Variants in SCRG1 observed in about 807,000 individuals in gnomAD.
The protein encoded by SCRG1 is stimulator of chondrogenesis 1.
In SCRG1, 3 loss-of-function variants were observed where a neutral mutation model predicts 7.7. That is an observed-to-expected ratio of 0.39 (90% CI 0.18 to 1.01). The LOEUF (loss-of-function observed/expected upper bound fraction) is 1.01. Ranked by LOEUF, SCRG1 falls within the 50% of genes least tolerant of loss-of-function variation. The pLI is 0.36. For synonymous variants in SCRG1, 46 were observed against 41.2 expected (o/e 1.12, Z -0.44); for missense variants, 110 against 117.2 (o/e 0.94, Z 0.28).
chr4:173,424,373 G>A, the SCRG1 span, among the ~76,000 whole-genome samples: 2 of 152,252 alleles, frequency 1.3e-5, no homozygotes, highest in East Asian at 1.9e-4. Flanking sequence ...CAACAATTCA[G>A]CCTGTTACAA....
the SCRG1 span, among the ~76,000 whole-genome samples, chr4:173,412,252 A>G: frequency 6.6e-6 from 1 of 152,218 alleles, no homozygotes; most frequent in African/African-American, 2.4e-5. Context: ...TTCTACCTGC[A>G]GTAACATCAT....
At chr4:173,506,577 C>G in the SCRG1 span, among the ~76,000 whole-genome samples, 9 of 152,200 alleles carry the variant, frequency 5.9e-5, no homozygotes, top group African/African-American at 2.2e-4. The surrounding 1 kb of genome is among the most constrained non-coding windows in gnomAD (Gnocchi z 5.3). Flanking sequence ...ACTTAATATG[C>G]GATCATTAAA....
At chr4:173,398,773 A>G (rs1739673151) in intron 1 of SCRG1, among the ~76,000 whole-genome samples, 1 of 152,234 alleles carries the variant, frequency 6.6e-6, no homozygotes, top group African/African-American at 2.4e-5. Flanking sequence ...GACAACATTC[A>G]GAGTAAATTT....
chr4:173,426,533 C>T, the SCRG1 span, among the ~76,000 whole-genome samples: 1 of 152,342 alleles, frequency 6.6e-6, no homozygotes, highest in African/African-American at 2.4e-5. Context: ...GTGGCACGAT[C>T]ATGGCTCAAT....
chr4:173,467,247 T>C, the SCRG1 span, among the ~76,000 whole-genome samples: 3 of 150,514 alleles, frequency 2.0e-5, no homozygotes, highest in African/African-American at 7.3e-5. Flanking sequence ...AAAAAAAAGA[T>C]ATTTTCCTGT....
At chr4:173,391,082 A>G in intron 2 of SCRG1, 91 bp downstream of exon 2, 1 of 1,356,890 alleles carries the variant, frequency 7.4e-7, no homozygotes, top group Non-Finnish European at 1.0e-6. Flanking sequence ...TAAAAGGGTT[A>G]TTAATTTCAG....
the SCRG1 span, among the ~76,000 whole-genome samples, chr4:173,505,250 G>A: frequency 2.0e-5 from 3 of 152,196 alleles, no homozygotes; most frequent in Non-Finnish European, 4.4e-5. The surrounding 1 kb of genome is among the most constrained non-coding windows in gnomAD (Gnocchi z 4.4). Flanking sequence ...AGGCTCAACA[G>A]GGATGAGTGT....
the SCRG1 span, among the ~76,000 whole-genome samples, chr4:173,501,406 G>A: frequency 6.6e-6 from 1 of 152,192 alleles, no homozygotes; most frequent in East Asian, 1.9e-4. The surrounding 1 kb of genome is among the most constrained non-coding windows in gnomAD (Gnocchi z 5.1). Context: ...GGCTTGAGAT[G>A]CCCTGGGAAG....
At chr4:173,475,631 T>A in the SCRG1 span, among the ~76,000 whole-genome samples, 1 of 152,248 alleles carries the variant, frequency 6.6e-6, no homozygotes, top group Admixed American at 6.5e-5. Flanking sequence ...TAAGCAGATA[T>A]CTATACACCA....
At chr4:173,439,188 A>C in the SCRG1 span, among the ~76,000 whole-genome samples, 1 of 152,218 alleles carries the variant, frequency 6.6e-6, no homozygotes, top group Non-Finnish European at 1.5e-5. Flanking sequence ...ACTGCTTGAA[A>C]GAACACTTCC....
chr4:173,511,009 T>G, the SCRG1 span, among the ~76,000 whole-genome samples: 1 of 152,186 alleles, frequency 6.6e-6, no homozygotes, highest in Admixed American at 6.5e-5. This position sits in a 1 kb window ranked among gnomAD's most constrained non-coding sequence, Gnocchi z 5.2. Context: ...CTCTGTCTCC[T>G]AGGGTGGAGT....
the SCRG1 span, among the ~76,000 whole-genome samples, chr4:173,472,327 T>A: frequency 6.6e-6 from 1 of 152,226 alleles, no homozygotes; most frequent in Non-Finnish European, 1.5e-5. Flanking sequence ...CTGTGATACT[T>A]CGTGGATGAA....
chr4:173,479,888 G>A, the SCRG1 span, among the ~76,000 whole-genome samples: 1 of 152,102 alleles, frequency 6.6e-6, no homozygotes, highest in Non-Finnish European at 1.5e-5. Context: ...CTTAATTTGG[G>A]AATCAAACTT....
rs150674576 is a variant in SCRG1, at chr4:173,390,275, A to G, written c.242+898T>C. ...ATACTTGTATTTTAAGTACAAAACG[A>G]TAGTAGATAAATCAATAAATATTTA... On this transcript the variant is annotated intron_variant, in intron 2 of 2. Coordinates refer to ENST00000296506, the MANE Select transcript of SCRG1 (RefSeq NM_007281.4). 1.1e-3 allele frequency among the ~76,000 whole-genome samples: 167 copies of G among 152,316 alleles called. 2 individuals are homozygous for G. The highest frequency in any genetic ancestry group is 3.1e-3 in the Admixed American group (48 of 15,292).
chr4:173,404,997 C>T (rs1429940256), intron 1 of SCRG1, among the ~76,000 whole-genome samples: 1 of 152,046 alleles, frequency 6.6e-6, no homozygotes, highest in East Asian at 1.9e-4. Context: ...TAGTGTGGTC[C>T]ATTTTTTATA....
the SCRG1 span, among the ~76,000 whole-genome samples, chr4:173,457,184 C>T: frequency 2.0e-5 from 3 of 152,156 alleles, no homozygotes; most frequent in African/African-American, 7.2e-5. Flanking sequence ...GGAAAGTGTA[C>T]CAGGGCAGAG....
the SCRG1 span, among the ~76,000 whole-genome samples, chr4:173,515,571 GGTGTGTGTGTGTGTCTGT>G: frequency 7.2e-6 from 1 of 139,066 alleles, no homozygotes; most frequent in South Asian, 2.4e-4. The surrounding 1 kb of genome is among the most constrained non-coding windows in gnomAD (Gnocchi z 4.6). Flanking sequence ...GAGGGAAAGA[GGTGTGTGTGTGTGTCTGT>G]GTGTGTGTGT....
intron 1 of SCRG1, among the ~76,000 whole-genome samples, chr4:173,393,519 T>C (rs1220598809): frequency 6.6e-6 from 1 of 152,298 alleles, no homozygotes; most frequent in East Asian, 1.9e-4. Flanking sequence ...TTGTAGGTCA[T>C]GGTTTAAGTG....
chr4:173,484,160 A>G, the SCRG1 span, among the ~76,000 whole-genome samples: 2 of 86,446 alleles, frequency 2.3e-5, no homozygotes, highest in African/African-American at 4.7e-5. Flanking sequence ...AATATTTTCT[A>G]CATTATATAT....
Sources: gnomAD v4.1 joint callset for allele counts (sites outside exome capture counted in the v4.1 genomes callset) on GRCh38, gnomAD v4.1.1 for gene constraint, Gnocchi (gnomAD v3.1) non-coding constraint, MANE v1.5 for transcripts, NCBI Gene and HGNC (gene_info 2026-07-23, HGNC 2026-07-21) for gene names.